STIM1: variants seen among roughly 807,000 people sequenced by gnomAD.
STIM1 encodes stromal interaction molecule 1.
STIM1 carries 25 observed loss-of-function variants against 74.7 expected under a neutral mutation model. That is an observed-to-expected ratio of 0.33 (90% CI 0.24 to 0.47). The LOEUF is 0.47. Ranked by LOEUF, STIM1 falls within the 20% of genes least tolerant of loss-of-function variation. The probability of loss-of-function intolerance (pLI) is 1.00; values close to 1 mark genes in which losing one functional copy is unlikely to be tolerated. For missense variants in STIM1, 728 were observed against 920.8 expected (o/e 0.79, Z 2.71); for synonymous variants, 328 against 348.8 (o/e 0.94, Z 0.66).
chr11:3,895,560 A>G lies in STIM1; in HGVS notation c.139+39151A>G, dbSNP rs931164389. Among the ~76,000 whole-genome samples the G allele has an allele frequency of 4.6e-5, 7 of 152,080 alleles. 1 individual carries two copies. In the East Asian group the frequency reaches 9.7e-4, roughly 21 times the overall value. On this transcript the variant is annotated intron_variant, in intron 1 of 12. Transcript: ENST00000526596. ...AGGAGATGCACTTAACCAAGTTTAT[A>G]TAGCTAATTCGGCTCTGGGTTCCGG... is the stretch of plus-strand genomic sequence containing the variant.
chr11:4,064,716 C>T (rs563274582), intron 5 of STIM1, among the ~76,000 whole-genome samples: 2 of 152,294 alleles, frequency 1.3e-5, no homozygotes, highest in South Asian at 2.1e-4. Flanking sequence ...ACTGGCTCAG[C>T]AGAGGGCCAC....
At chr11:3,895,828 T>A (rs1305527181) in intron 1 of STIM1, among the ~76,000 whole-genome samples, 1 of 119,256 alleles carries the variant, frequency 8.4e-6, no homozygotes, top group African/African-American at 4.0e-5. Context: ...TTCTTTCTTT[T>A]CTTTCTTTCT....
intron 1 of STIM1, among the ~76,000 whole-genome samples, chr11:3,923,949 T>A (rs1391133768): frequency 6.6e-6 from 1 of 152,090 alleles, no homozygotes; most frequent in Non-Finnish European, 1.5e-5. Flanking sequence ...AAACTATATG[T>A]AGTCTTTCAA....
In STIM1 at chr11:4,092,783, C is replaced by G. The variant is rs2094531613; in HGVS notation, c.*985C>G. The G allele has an allele frequency of 6.6e-6, 1 of 152,174 alleles. No homozygotes were observed. 9.4% of individuals were successfully genotyped at this position (152,174 alleles called of 1,614,324 possible). On this transcript the variant is annotated 3_prime_UTR_variant, in exon 13 of 13. Coordinates refer to ENST00000526596, the MANE Select transcript of STIM1 (RefSeq NM_001382567.1). ...ACAGGTTAAAAGGAAAAAAAGTAAT[C>G]TGAATTTCCCAAGTGCCTACGCTGC...
chr11:4,006,938 A>G (rs189144807), intron 2 of STIM1, among the ~76,000 whole-genome samples: 1 of 152,224 alleles, frequency 6.6e-6, no homozygotes, highest in East Asian at 1.9e-4. Flanking sequence ...GCTGTACCCA[A>G]AGGTGTGCTG....
intron 2 of STIM1, among the ~76,000 whole-genome samples, chr11:3,969,163 A>G (rs1026428633): frequency 2.6e-5 from 4 of 152,210 alleles, no homozygotes; most frequent in African/African-American, 7.2e-5. Flanking sequence ...TGAACTCCCT[A>G]TCACTGAAGA....
intron 1 of STIM1, among the ~76,000 whole-genome samples, chr11:3,948,098 G>A (rs542008796): frequency 3.3e-5 from 5 of 152,276 alleles, no homozygotes; most frequent in Admixed American, 6.5e-5. Flanking sequence ...GAGGTGGTCC[G>A]TTGGCCAGTG....
In STIM1 at chr11:4,070,928, T is replaced by C. The variant is rs550111597; in HGVS notation, c.791+725T>C. 2.0e-5 allele frequency among the ~76,000 whole-genome samples: 3 copies of C among 152,038 alleles called. No individual in the cohort carries two copies. In the South Asian group the frequency reaches 6.2e-4, roughly 32 times the overall value. On this transcript the variant is annotated intron_variant, in intron 6 of 12. Coordinates refer to ENST00000526596, the MANE Select transcript of STIM1 (RefSeq NM_001382567.1). ...ATTCACTGGTCCTGAGAAAAAAAAC[T>C]TACACACCCACAAGAAGCAGCAGTG...
intron 1 of STIM1, among the ~76,000 whole-genome samples, chr11:3,951,530 G>GTT (rs2093148328): frequency 6.6e-6 from 1 of 152,114 alleles, no homozygotes; most frequent in Non-Finnish European, 1.5e-5. Flanking sequence ...AATCCACATT[G>GTT]TTTTTACCCC....
intron 1 of STIM1, chr11:3,893,017 A>C (rs2091946113): frequency 1.6e-6 from 1 of 613,258 alleles, no homozygotes; most frequent in African/African-American, 1.9e-5. Context: ...CAATCCACCC[A>C]CTTCGTCCTC....
chr11:3,925,311 C>T (rs1005871002), intron 1 of STIM1, among the ~76,000 whole-genome samples: 1 of 152,216 alleles, frequency 6.6e-6, no homozygotes, highest in Non-Finnish European at 1.5e-5. Flanking sequence ...AGGAGAATCG[C>T]TTAAACCTGG....
intron 1 of STIM1, among the ~76,000 whole-genome samples, chr11:3,905,363 T>C (rs1320090387): frequency 6.6e-6 from 1 of 151,948 alleles, no homozygotes; most frequent in Non-Finnish European, 1.5e-5. Flanking sequence ...GGAGGCAGGT[T>C]CAAAGATTTT....
intron 2 of STIM1, among the ~76,000 whole-genome samples, chr11:4,009,970 A>C (rs1332934623): frequency 6.6e-6 from 1 of 151,596 alleles, no homozygotes; most frequent in Non-Finnish European, 1.5e-5. Flanking sequence ...ACACCACCAC[A>C]TGTAGCTAAT....
intron 1 of STIM1, among the ~76,000 whole-genome samples, chr11:3,931,373 A>C (rs2092857701): frequency 6.6e-6 from 1 of 152,202 alleles, no homozygotes; most frequent in Non-Finnish European, 1.5e-5. Flanking sequence ...AACATAAAAA[A>C]CAATAAGACG....
intron 3 of STIM1, among the ~76,000 whole-genome samples, chr11:4,053,740 A>C (rs1178735204): frequency 6.6e-6 from 1 of 152,182 alleles, no homozygotes; most frequent in Non-Finnish European, 1.5e-5. Context: ...TAAAATAAAA[A>C]AAAGAAAGAA....
At chr11:4,079,522 C>T (rs538582766) in intron 7 of STIM1, among the ~76,000 whole-genome samples, 13 of 139,106 alleles carry the variant, frequency 9.3e-5, no homozygotes, top group South Asian at 2.4e-4. Flanking sequence ...TGCAGTGAGC[C>T]GAGATCACAT....
intron 2 of STIM1, among the ~76,000 whole-genome samples, chr11:4,005,538 C>G (rs1395128507): frequency 7.5e-6 from 1 of 134,126 alleles, no homozygotes; most frequent in Non-Finnish European, 1.5e-5. Flanking sequence ...AATGAGAACA[C>G]ATGACACAGG....
chr11:4,046,252 CCTT>C (rs753139290), intron 3 of STIM1, among the ~76,000 whole-genome samples: 21 of 151,932 alleles, frequency 1.4e-4, no homozygotes, highest in Non-Finnish European at 2.5e-4. Context: ...GCTCTGTCAT[CCTT>C]CTTTTCTCAA....
intron 1 of STIM1, among the ~76,000 whole-genome samples, chr11:3,877,583 T>G (rs1026261601): frequency 5.9e-5 from 9 of 152,200 alleles, no homozygotes; most frequent in African/African-American, 2.2e-4. Flanking sequence ...CCGGATCAGT[T>G]GTAAATTCTC....
Sources: allele counts gnomAD v4.1 joint callset (sites outside exome capture counted in the v4.1 genomes callset), GRCh38; gene constraint gnomAD v4.1.1; transcripts MANE v1.5; gene names NCBI Gene and HGNC (gene_info 2026-07-23, HGNC 2026-07-21).